The following BAZ1B variants were observed in gnomAD, a reference collection of about 807,000 sequenced individuals.
BAZ1B encodes the protein bromodomain adjacent to zinc finger domain 1B.
Under a neutral mutation model 153.8 loss-of-function variants are expected in BAZ1B, and 22 were observed. The observed-to-expected ratio is 0.14, with a 90% CI of 0.10 to 0.20. BAZ1B has a LOEUF of 0.20. BAZ1B is among the 10% of genes least tolerant of loss of function. BAZ1B has a pLI of 1.00. For missense variants in BAZ1B, 1,325 were observed against 1,799.3 expected (o/e 0.74, Z 4.77); for synonymous variants, 676 against 633.4 (o/e 1.07, Z -1.01).
Position 73,477,097 on chromosome 7 carries a change from A to C in BAZ1B, c.2364T>G (p.Asn788Lys), listed in dbSNP as rs1345342115. Residue 788 changes from asparagine (N) to lysine (K), a missense_variant, in exon 7 of 20, where the codon AAT becomes AAG. Asn to Lys is a moderately conservative substitution (Grantham distance 94, BLOSUM62 0). Around this residue, in one of 9 missense-constraint regions of BAZ1B, gnomAD observed 431 missense variants for 563.5 expected, o/e 0.76. Transcript: ENST00000339594. The surrounding 1 kb of genome is among the most constrained non-coding windows in gnomAD (Gnocchi z 5.6). ...KERLAVLKEE[N>K]DKKRAEKQKR... ...TCTGTTTCTCTGCTCTCTTCTTATCATTTTCTTCCTTCAACACAGCAAGCC... is the reference window on the plus strand; with the variant it reads ...TCTGTTTCTCTGCTCTCTTCTTATCCTTTTCTTCCTTCAACACAGCAAGCC... The C allele has an allele frequency of 1.9e-6, 3 of 1,612,728 alleles. No individual in the cohort carries two copies. In the African/African-American group the frequency reaches 4.0e-5, roughly 22 times the overall value.
intron 18 of BAZ1B, 66 bp downstream of exon 18, chr7:73,442,659 G>C (rs1787669986): frequency 6.4e-7 from 1 of 1,563,368 alleles, no homozygotes; most frequent in African/African-American, 1.4e-5. Context: ...CCCCTCAGGG[G>C]CTCTGGAAGC....
At chr7:73,466,534 T>C (rs1207075436) in intron 9 of BAZ1B, 133 bp from the exon 10 acceptor site, 1 of 585,316 alleles carries the variant, frequency 1.7e-6, no homozygotes, top group African/African-American at 1.9e-5. Flanking sequence ...ATCAAATATA[T>C]CTTCATGTAT....
At chr7:73,504,365 A>T (rs1554577496) in intron 3 of BAZ1B, among the ~76,000 whole-genome samples, 4 of 152,144 alleles carry the variant, frequency 2.6e-5, no homozygotes, top group South Asian at 2.1e-4. Flanking sequence ...TATAAAAAAT[A>T]AAAAACTTAG....
At chr7:73,452,148 C>A (rs1583888144) in intron 13 of BAZ1B, among the ~76,000 whole-genome samples, 1 of 152,246 alleles carries the variant, frequency 6.6e-6, no homozygotes, top group East Asian at 1.9e-4. Flanking sequence ...GCTTATTTAA[C>A]CTCGTTTTTT....
At chr7:73,460,097 G>C (rs1788340151) in intron 12 of BAZ1B, among the ~76,000 whole-genome samples, 1 of 150,360 alleles carries the variant, frequency 6.7e-6, no homozygotes, top group Non-Finnish European at 1.5e-5. Context: ...CGGGAAGCAG[G>C]AGAATCACTT....
At chr7:73,506,855 GAAAA>G (rs1395596131) in intron 3 of BAZ1B, among the ~76,000 whole-genome samples, 3 of 71,560 alleles carry the variant, frequency 4.2e-5, no homozygotes, top group Non-Finnish European at 8.9e-5. Context: ...CCACCTCAAA[GAAAA>G]AAAAAAAAAA....
At chr7:73,511,190 C>T (rs529486137) in intron 1 of BAZ1B, among the ~76,000 whole-genome samples, 23 of 152,018 alleles carry the variant, frequency 1.5e-4, no homozygotes, top group African/African-American at 4.8e-4. Context: ...ATGGCGTGAA[C>T]CCGGGAGGCG....
chr7:73,489,538 G>A, intron 5 of BAZ1B, 147 bp from the exon 6 acceptor site: 1 of 801,982 alleles, frequency 1.2e-6, no homozygotes, highest in East Asian at 2.7e-5. Context: ...ATATAGGCCA[G>A]GGATGGTTTC....
chr7:73,446,227 G>A lies in BAZ1B; in HGVS notation c.3844+1037C>T, dbSNP rs184213095. 5.3e-5 allele frequency among the ~76,000 whole-genome samples: 8 copies of A among 152,272 alleles called. No individual in the cohort carries two copies. The East Asian group carries it at 1.4e-3, about 26-fold the overall frequency. ...CAGAGCTGCTATGATCTTGGGAACTGTACCACTGCTTCAAAAGCTCATTAG... is the reference window on the plus strand; with the variant it reads ...CAGAGCTGCTATGATCTTGGGAACTATACCACTGCTTCAAAAGCTCATTAG... On this transcript the variant is annotated intron_variant, in intron 16 of 19. Transcript: ENST00000339594.
At chr7:73,459,804 A>G (rs1788330602) in intron 12 of BAZ1B, 86 bp from the exon 13 acceptor site, 11 of 1,194,132 alleles carry the variant, frequency 9.2e-6, no homozygotes, top group Non-Finnish European at 1.2e-5. Flanking sequence ...ATAAATCTAG[A>G]CTCAAATGCC....
At chr7:73,510,037 G>C (rs908650535) in intron 2 of BAZ1B, among the ~76,000 whole-genome samples, 45 of 151,696 alleles carry the variant, frequency 3.0e-4, no homozygotes, top group African/African-American at 1.1e-3. Flanking sequence ...TGAGGCACGA[G>C]AATCACTTGA....
chr7:73,472,367 T>C (rs1367421505), intron 7 of BAZ1B, among the ~76,000 whole-genome samples: 1 of 152,144 alleles, frequency 6.6e-6, no homozygotes, highest in African/African-American at 2.4e-5. Flanking sequence ...CAAGTGATTC[T>C]CCTGCCTCAG....
At chr7:73,472,580 G>T (rs1028578352) in intron 7 of BAZ1B, among the ~76,000 whole-genome samples, 1 of 151,750 alleles carries the variant, frequency 6.6e-6, no homozygotes, top group Non-Finnish European at 1.5e-5. Context: ...TTCTTGATAG[G>T]TATTGTTTTG....
intron 3 of BAZ1B, 94 bp from the exon 4 acceptor site, chr7:73,498,792 A>T: frequency 9.3e-7 from 1 of 1,079,618 alleles, no homozygotes; most frequent in Non-Finnish European, 1.4e-6. Context: ...TGCCTCCTCA[A>T]CTAACAAAAG....
intron 13 of BAZ1B, among the ~76,000 whole-genome samples, chr7:73,451,607 T>G (rs986932511): frequency 6.6e-6 from 1 of 151,932 alleles, no homozygotes; most frequent in African/African-American, 2.4e-5. Flanking sequence ...GGGAGCCTTG[T>G]GTGTATAAAT....
rs1045329891 is a variant in BAZ1B, at chr7:73,480,855, C to T, written c.892-2286G>A. On this transcript the variant is annotated intron_variant, in intron 6 of 19. Transcript: ENST00000339594. ...TCCCAGGGATCACACAGTAAAACACCTATGCTCTTGTTAGGAGAAAAGCAA... is the reference window on the plus strand; with the variant it reads ...TCCCAGGGATCACACAGTAAAACACTTATGCTCTTGTTAGGAGAAAAGCAA... Among the ~76,000 whole-genome samples, 5 of 152,190 alleles carry T rather than the reference C, an allele frequency of 3.3e-5. No individual in the cohort carries two copies. In the South Asian group the frequency reaches 1.0e-3, roughly 32 times the overall value.
chr7:73,479,896 G>A (rs1554573459), intron 6 of BAZ1B, among the ~76,000 whole-genome samples: 2 of 152,146 alleles, frequency 1.3e-5, no homozygotes, highest in Non-Finnish European at 2.9e-5. Context: ...TCAGCTGGGT[G>A]TGGAGGCTCA....
chr7:73,470,556 G>T, intron 7 of BAZ1B, 73 bp from the exon 8 acceptor site: 1 of 1,541,884 alleles, frequency 6.5e-7, no homozygotes, highest in Non-Finnish European at 8.8e-7. Flanking sequence ...AATAAAATAT[G>T]GAGTAAAAAG....
chr7:73,511,706 A>G (rs1220881119), intron 1 of BAZ1B, among the ~76,000 whole-genome samples: 1 of 151,818 alleles, frequency 6.6e-6, no homozygotes, highest in Non-Finnish European at 1.5e-5. Flanking sequence ...AATTTTCAGA[A>G]AACTCAGACA....
Sources: allele counts gnomAD v4.1 joint callset (sites outside exome capture counted in the v4.1 genomes callset), GRCh38; gene constraint gnomAD v4.1.1; regional missense constraint gnomAD v4.1.1; non-coding constraint Gnocchi (gnomAD v3.1); transcripts MANE v1.5; gene names NCBI Gene and HGNC (gene_info 2026-07-23, HGNC 2026-07-21).